The following PRKCB variants were observed in gnomAD, a reference collection of about 807,000 sequenced individuals.
The protein encoded by PRKCB is protein kinase C beta.
A neutral mutation model predicts 81.5 loss-of-function variants in PRKCB; 13 were observed. The observed-to-expected ratio is 0.16, with a 90% CI of 0.10 to 0.25. PRKCB has a LOEUF of 0.25. Among genes scored for constraint, PRKCB ranks in the 10% least tolerant of loss-of-function variants. The pLI is 1.00. For missense variants in PRKCB, 509 were observed against 875.7 expected, an observed-to-expected ratio of 0.58 and a Z score of 5.29; for synonymous variants, 335 against 321.4, an observed-to-expected ratio of 1.04 and a Z score of -0.45.
intron 2 of PRKCB, among the ~76,000 whole-genome samples, chr16:23,962,601 C>G (rs1377529190): frequency 1.3e-5 from 2 of 152,220 alleles, no homozygotes; most frequent in Admixed American, 6.5e-5. Context: ...GCACTTCTCA[C>G]TCAGACTCCA....
chr16:24,108,280 TTTA>T (rs142734387), intron 7 of PRKCB, among the ~76,000 whole-genome samples: 14,263 of 104,104 alleles, frequency 0.14, 895 homozygotes, highest in Middle Eastern at 0.28. Context: ...CTTTTATTTA[TTTA>T]TTTTTTTTAT....
chr16:23,894,862 G>C (rs1963351587), intron 2 of PRKCB, among the ~76,000 whole-genome samples: 1 of 151,990 alleles, frequency 6.6e-6, no homozygotes, highest in African/African-American at 2.4e-5. Context: ...AAATTTGTCT[G>C]CCATTTACTC....
chr16:23,898,308 C>T (rs1963413197), intron 2 of PRKCB, among the ~76,000 whole-genome samples: 1 of 152,066 alleles, frequency 6.6e-6, no homozygotes, highest in Non-Finnish European at 1.5e-5. Context: ...CTCCAGTGAT[C>T]CGCCCATCTC....
chr16:24,047,625 T>A (rs1033256631), intron 5 of PRKCB, among the ~76,000 whole-genome samples: 8 of 152,078 alleles, frequency 5.3e-5, no homozygotes, highest in African/African-American at 1.7e-4. Flanking sequence ...GGTCCATCTG[T>A]CTGGCAGGTT....
At chr16:24,044,111 T>G (rs1965737219) in intron 5 of PRKCB, among the ~76,000 whole-genome samples, 1 of 152,006 alleles carries the variant, frequency 6.6e-6, no homozygotes. Flanking sequence ...TCCCAGCACT[T>G]TGGGAGGCTG....
intron 2 of PRKCB, among the ~76,000 whole-genome samples, chr16:23,879,619 G>C (rs1963074126): frequency 6.6e-6 from 1 of 150,712 alleles, no homozygotes; most frequent in African/African-American, 2.4e-5. Context: ...TAGGCCTCCC[G>C]AGTAGCTGGG....
intron 6 of PRKCB, 86 bp from the exon 7 acceptor site, chr16:24,094,077 C>A: frequency 7.0e-7 from 1 of 1,423,866 alleles, no homozygotes. Flanking sequence ...AAACTTTCTA[C>A]CTCCAGGTCT....
chr16:23,849,976 C>G (rs57235540), intron 2 of PRKCB, among the ~76,000 whole-genome samples: 16,960 of 152,188 alleles, frequency 0.11, 2,031 homozygotes, highest in African/African-American at 0.3. Context: ...ACAACTCCTT[C>G]CCTCATCCCA....
intron 7 of PRKCB, among the ~76,000 whole-genome samples, chr16:24,101,924 G>A (rs1271551690): frequency 6.6e-6 from 1 of 152,148 alleles, no homozygotes; most frequent in East Asian, 1.9e-4. Context: ...AGTTATTCTA[G>A]GTTTCATCAT....
chr16:24,022,522 C>T (rs1228216846), intron 3 of PRKCB, among the ~76,000 whole-genome samples: 2 of 152,066 alleles, frequency 1.3e-5, no homozygotes, highest in Non-Finnish European at 2.9e-5. Flanking sequence ...GACAGAGTCT[C>T]GCTCTGTTGC....
chr16:24,094,437 G>T, intron 7 of PRKCB, 140 bp downstream of exon 7: 1 of 1,199,806 alleles, frequency 8.3e-7, no homozygotes, highest in Non-Finnish European at 1.2e-6. Flanking sequence ...GATCTGCCTT[G>T]CAGATATGTT....
intron 2 of PRKCB, among the ~76,000 whole-genome samples, chr16:23,986,585 C>A (rs998094356): frequency 6.6e-6 from 1 of 152,074 alleles, no homozygotes; most frequent in Non-Finnish European, 1.5e-5. Context: ...ATTGTTAACA[C>A]GTATATTTAA....
At chr16:23,967,507 A>AT (rs1964503544) in intron 2 of PRKCB, among the ~76,000 whole-genome samples, 1 of 152,178 alleles carries the variant, frequency 6.6e-6, no homozygotes, top group African/African-American at 2.4e-5. Flanking sequence ...AAGGATTGAG[A>AT]ATGGGATTGA....
At chr16:23,939,584 G>A (rs896966536) in intron 2 of PRKCB, among the ~76,000 whole-genome samples, 9 of 152,068 alleles carry the variant, frequency 5.9e-5, no homozygotes, top group Non-Finnish European at 5.9e-5. Context: ...TTTGACAAAG[G>A]CACAAAAGGA....
At chr16:23,977,887 A>G (rs149663266) in intron 2 of PRKCB, among the ~76,000 whole-genome samples, 1 of 152,020 alleles carries the variant, frequency 6.6e-6, no homozygotes, top group Non-Finnish European at 1.5e-5. Context: ...CTCAGCTGCA[A>G]TGAGTGGTTT....
rs143182186 is a variant in PRKCB at position 24,032,263 on chromosome 16, C to T, written c.400+16C>T. On this transcript the variant is annotated intron_variant, in intron 4 of 16. Coordinates refer to ENST00000643927, the MANE Select transcript of PRKCB (RefSeq NM_002738.7). Reference sequence around the variant, plus strand: ...AAATGTGACAGTAAGTACTTTTTCTCTCTGGGGGCATCTGCTGATGGCAGA... The same window carrying T: ...AAATGTGACAGTAAGTACTTTTTCTTTCTGGGGGCATCTGCTGATGGCAGA... The T allele has an allele frequency of 3.7e-4, 584 of 1,561,042 alleles. 5 individuals carry two copies. In the African/African-American group the frequency reaches 7.0e-3, roughly 19 times the overall value.
At chr16:24,148,458 C>G (rs866159783) in intron 9 of PRKCB, among the ~76,000 whole-genome samples, 4 of 152,134 alleles carry the variant, frequency 2.6e-5, no homozygotes, top group African/African-American at 4.8e-5. Flanking sequence ...ATCCTAGACC[C>G]TAAATTAATG....
intron 13 of PRKCB, among the ~76,000 whole-genome samples, chr16:24,184,732 T>A (rs1047485251): frequency 6.6e-6 from 1 of 152,228 alleles, no homozygotes; most frequent in East Asian, 1.9e-4. Context: ...TTTAAAAACA[T>A]GTAACGTAAA....
At chr16:24,097,322 C>T (rs968433443) in intron 7 of PRKCB, among the ~76,000 whole-genome samples, 1 of 152,120 alleles carries the variant, frequency 6.6e-6, no homozygotes, top group African/African-American at 2.4e-5. Context: ...AGGTGTGAGC[C>T]TCCGTGCCCA....
Sources: gnomAD v4.1 joint callset for allele counts (sites outside exome capture counted in the v4.1 genomes callset) on GRCh38, gnomAD v4.1.1 for gene constraint, MANE v1.5 for transcripts, NCBI Gene and HGNC (gene_info 2026-07-23, HGNC 2026-07-21) for gene names.